Variants in DST observed in about 807,000 individuals in gnomAD.
DST encodes dystonin.
A neutral mutation model predicts 875.2 loss-of-function variants in DST; 253 were observed. The observed-to-expected ratio is 0.29, with a 90% CI of 0.26 to 0.32. The LOEUF (loss-of-function observed/expected upper bound fraction) is 0.32. Among genes scored for constraint, DST ranks in the 10% least tolerant of loss-of-function variants. The pLI, the probability that DST is intolerant of heterozygous loss-of-function variation, is 1.00. For synonymous variants in DST, 3,124 were observed against 3,197.1 expected, an observed-to-expected ratio of 0.98 and a Z score of 0.77; for missense variants, 8,287 against 9,111.6, an observed-to-expected ratio of 0.91 and a Z score of 3.68.
At chr6:56,946,293 A>G (rs1321390094) in intron 2 of DST, among the ~76,000 whole-genome samples, 2 of 152,236 alleles carry the variant, frequency 1.3e-5, no homozygotes, top group Non-Finnish European at 2.9e-5. Flanking sequence ...CAATATATCA[A>G]TTTGGAAATC....
chr6:56,770,280 T>G (rs2099648402), intron 4 of DST, among the ~76,000 whole-genome samples: 1 of 152,200 alleles, frequency 6.6e-6, no homozygotes, highest in Non-Finnish European at 1.5e-5. Context: ...ACAGCCAGGT[T>G]TTCAACATTT....
At chr6:56,846,926 C>G (rs147164530) in intron 4 of DST, among the ~76,000 whole-genome samples, 75 of 150,546 alleles carry the variant, frequency 5.0e-4, no homozygotes, top group African/African-American at 1.8e-3. Context: ...TCGCTTGAGC[C>G]CGGGAGGTAG....
chr6:56,631,387 T>C lies in DST; in HGVS notation c.3966A>G (p.Lys1322=). 6.2e-7 allele frequency: 1 copy of C among 1,613,608 alleles called. No homozygotes were observed. The highest frequency in any genetic ancestry group is 8.5e-7 in the Non-Finnish European group (1 of 1,179,696). The part of the protein sequence containing the change: ...ESVFRITEQE[K]LKKELERLKD... ...TAAGTCGTTCCAGCTCTTTCTTTAG[T>C]TTCTATAAAACAGAGAACAAACAAA... is the stretch of plus-strand genomic sequence containing the variant. Residue 1322 remains lysine (K), a splice_region_variant and synonymous_variant, in exon 30 of 104, where the codon AAA becomes AAG. Coordinates refer to ENST00000680361, the MANE Select transcript of DST (RefSeq NM_001374736.1).
At chr6:56,720,349 CT>C (rs386407172) in intron 5 of DST, among the ~76,000 whole-genome samples, 310 of 130,190 alleles carry the variant, frequency 2.4e-3, no homozygotes, top group Admixed American at 3.2e-3. Flanking sequence ...TTATCCTGTT[CT>C]TTTTTTTTTT....
intron 49 of DST, among the ~76,000 whole-genome samples, chr6:56,586,602 C>T (rs1347140123): frequency 1.3e-5 from 2 of 152,050 alleles, no homozygotes; most frequent in Non-Finnish European, 2.9e-5. Flanking sequence ...GGGCAGATTG[C>T]CTCCTCAAGT....
chr6:56,493,911 G>T, intron 83 of DST, 99 bp downstream of exon 83: 1 of 927,498 alleles, frequency 1.1e-6, no homozygotes, highest in Non-Finnish European at 1.5e-6. Context: ...ATAAATCATT[G>T]AAAGTTCTAC....
intron 36 of DST, chr6:56,614,816 A>T (rs1563199052): frequency 2.0e-6 from 2 of 1,005,854 alleles, no homozygotes; most frequent in East Asian, 2.1e-4. Flanking sequence ...TTAGCATTAC[A>T]ATCCTAATTG....
chr6:56,601,338 A>G (rs1397983652), intron 44 of DST, 105 bp downstream of exon 44: 6 of 691,922 alleles, frequency 8.7e-6, no homozygotes, highest in Admixed American at 2.7e-5. Context: ...TTATCCATTA[A>G]TGCCTTTCCA....
intron 54 of DST, among the ~76,000 whole-genome samples, chr6:56,569,454 G>A (rs2097746580): frequency 6.6e-6 from 1 of 151,944 alleles, no homozygotes; most frequent in Non-Finnish European, 1.5e-5. Flanking sequence ...TTATGCAGGA[G>A]ATTCAAATAA....
intron 2 of DST, among the ~76,000 whole-genome samples, chr6:56,940,104 T>C (rs1214265093): frequency 1.3e-5 from 2 of 151,630 alleles, no homozygotes; most frequent in East Asian, 1.9e-4. Flanking sequence ...AAAAATGTCA[T>C]AGTCTTAAAT....
In DST at chr6:56,916,778, T is replaced by TCTCTCACA. The variant is rs1470233953; in HGVS notation, c.217-16158_217-16157insTGTGAGAG. 4.1e-3 allele frequency among the ~76,000 whole-genome samples: 374 copies of TCTCTCACA among 91,306 alleles called. 1 individual carries two copies. Among genetic ancestry groups the TCTCTCACA allele is most frequent in the Admixed American group, 6.7e-3 (49 of 7,308 alleles). The allele number at this position is 91,306 out of a possible 152,430, so 59.9% of individuals were successfully genotyped here. ...ATCTCTCTCTCTCTCTCTCTCTCTC[T>TCTCTCACA]CACACACACACACACACACACACAC... is the stretch of plus-strand genomic sequence containing the variant. On this transcript the variant is annotated intron_variant, in intron 2 of 103. Coordinates refer to ENST00000680361, the MANE Select transcript of DST (RefSeq NM_001374736.1).
intron 4 of DST, among the ~76,000 whole-genome samples, chr6:56,825,908 G>T (rs2099779904): frequency 6.6e-6 from 1 of 152,174 alleles, no homozygotes. Context: ...AACAGACTGA[G>T]ATCTCCTAAA....
chr6:56,896,027 C>T (rs1273897799), intron 3 of DST, among the ~76,000 whole-genome samples: 6 of 41,070 alleles, frequency 1.5e-4, no homozygotes, highest in Admixed American at 2.4e-4. Flanking sequence ...GAGAGGGAGA[C>T]GGGAGAGGGA....
At chr6:56,866,626 A>G (rs1213018740) in intron 3 of DST, among the ~76,000 whole-genome samples, 1 of 152,042 alleles carries the variant, frequency 6.6e-6, no homozygotes, top group Non-Finnish European at 1.5e-5. Flanking sequence ...TACCCTCCTC[A>G]CCAATTACTC....
At chr6:56,664,949 T>C (rs2099064818) in intron 10 of DST, among the ~76,000 whole-genome samples, 1 of 152,182 alleles carries the variant, frequency 6.6e-6, no homozygotes, top group Non-Finnish European at 1.5e-5. Context: ...AAAGACATAA[T>C]GTATTTATCA....
chr6:56,902,368 T>A (rs1399996060), intron 2 of DST, among the ~76,000 whole-genome samples: 2 of 152,180 alleles, frequency 1.3e-5, no homozygotes, highest in Non-Finnish European at 2.9e-5. Context: ...ATGAACAGTA[T>A]GAGAAAAGGC....
At chr6:56,615,906 C>G in intron 36 of DST, 3 of 1,614,184 alleles carry the variant, frequency 1.9e-6, no homozygotes, top group Non-Finnish European at 2.5e-6. Flanking sequence ...ATTACTAATT[C>G]ACACTGTCGC....
At chr6:56,536,691 T>A in intron 62 of DST, 88 bp downstream of exon 62, 9 of 1,299,902 alleles carry the variant, frequency 6.9e-6, no homozygotes, top group Non-Finnish European at 9.2e-6. Flanking sequence ...TTAGAAAAGT[T>A]TGGCTACCAC....
intron 7 of DST, among the ~76,000 whole-genome samples, chr6:56,702,957 C>A (rs1464122672): frequency 6.6e-6 from 1 of 152,092 alleles, no homozygotes; most frequent in Non-Finnish European, 1.5e-5. Flanking sequence ...GATAAATTTA[C>A]CCACTGGATC....
Sources: allele counts gnomAD v4.1 joint callset (sites outside exome capture counted in the v4.1 genomes callset), GRCh38; gene constraint gnomAD v4.1.1; transcripts MANE v1.5; gene names NCBI Gene and HGNC (gene_info 2026-07-23, HGNC 2026-07-21).